The following MAGI2 variants were observed in gnomAD, a reference collection of about 807,000 sequenced individuals.
MAGI2 encodes the protein membrane-associated guanylate kinase, WW and PDZ domain-containing protein 2.
A neutral mutation model predicts 133.3 loss-of-function variants in MAGI2; 35 were observed. The observed-to-expected ratio is 0.26, with a 90% CI of 0.20 to 0.35. MAGI2 has a LOEUF of 0.35. Ranked by LOEUF, MAGI2 falls within the 10% of genes least tolerant of loss-of-function variation. The pLI, the probability that MAGI2 is intolerant of heterozygous loss-of-function variation, is 1.00. For missense variants in MAGI2, 1,636 were observed against 1,863.4 expected (o/e 0.88, Z 2.25); for synonymous variants, 729 against 710.6 (o/e 1.03, Z -0.41).
chr7:78,592,823 ATT>A (rs1491548716), intron 3 of MAGI2, among the ~76,000 whole-genome samples: 72 of 103,870 alleles, frequency 6.9e-4, no homozygotes, highest in African/African-American at 2.5e-3. Flanking sequence ...AAAATTACTG[ATT>A]CTCTTTTTTT....
intron 1 of MAGI2, among the ~76,000 whole-genome samples, chr7:79,248,409 C>T (rs1202451671): frequency 6.6e-6 from 1 of 152,138 alleles, no homozygotes; most frequent in Non-Finnish European, 1.5e-5. Context: ...GACCCCAATA[C>T]AATAACAGCC....
At chr7:79,006,990 A>C in intron 2 of MAGI2, 100 bp downstream of exon 2, 1 of 871,986 alleles carries the variant, frequency 1.1e-6, no homozygotes, top group Admixed American at 2.9e-5. Context: ...AAAGCCCACT[A>C]TAAAAAATAA....
intron 6 of MAGI2, among the ~76,000 whole-genome samples, chr7:78,403,376 C>T (rs1011774364): frequency 6.6e-6 from 1 of 152,310 alleles, no homozygotes; most frequent in Admixed American, 6.5e-5. Flanking sequence ...ATATGTGCCA[C>T]ATTTTCCTAA....
At chr7:78,221,310 C>A (rs957071369) in intron 10 of MAGI2, among the ~76,000 whole-genome samples, 13 of 152,334 alleles carry the variant, frequency 8.5e-5, no homozygotes, top group African/African-American at 2.9e-4. Context: ...TGTTGTCCAA[C>A]TTTTCCATTT....
intron 1 of MAGI2, among the ~76,000 whole-genome samples, chr7:79,367,952 C>CA (rs1842829266): frequency 6.8e-6 from 1 of 147,914 alleles, no homozygotes; most frequent in Non-Finnish European, 1.5e-5. Flanking sequence ...CCCAAAGCCA[C>CA]AAGGGTGTGG....
At chr7:78,827,409 G>A (rs1026887786) in intron 2 of MAGI2, among the ~76,000 whole-genome samples, 1 of 152,058 alleles carries the variant, frequency 6.6e-6, no homozygotes, top group African/African-American at 2.4e-5. Context: ...CTCCTGAATA[G>A]CTAGGACTAC....
chr7:78,542,264 A>G (rs932971819), intron 3 of MAGI2, among the ~76,000 whole-genome samples: 1 of 152,172 alleles, frequency 6.6e-6, no homozygotes, highest in Non-Finnish European at 1.5e-5. Context: ...TCCAACCCCC[A>G]GTCTATGTAA....
At chr7:78,617,503 T>G (rs1001301889) in intron 3 of MAGI2, 3 of 152,116 alleles carry the variant, frequency 2.0e-5, no homozygotes, top group Admixed American at 1.3e-4. Context: ...GTACTGATAC[T>G]AAATTTTAGT....
intron 6 of MAGI2, among the ~76,000 whole-genome samples, chr7:78,417,384 G>A (rs1798398853): frequency 6.6e-6 from 1 of 151,794 alleles, no homozygotes; most frequent in African/African-American, 2.4e-5. Context: ...CGGGGGGAAG[G>A]AATTCACATT....
intron 21 of MAGI2, among the ~76,000 whole-genome samples, chr7:78,071,813 C>T (rs757441785): frequency 2.0e-5 from 3 of 152,240 alleles, no homozygotes; most frequent in South Asian, 2.1e-4. Context: ...AAGGAAGATA[C>T]GCTCAACCGT....
intron 9 of MAGI2, among the ~76,000 whole-genome samples, chr7:78,294,084 AT>A (rs1211128308): frequency 6.1e-5 from 9 of 147,776 alleles, no homozygotes; most frequent in Admixed American, 1.4e-4. Context: ...TAATAAAAAA[AT>A]ATATATAATT....
At chr7:78,841,997 A>T (rs1314090251) in intron 2 of MAGI2, among the ~76,000 whole-genome samples, 1 of 151,962 alleles carries the variant, frequency 6.6e-6, no homozygotes, top group Non-Finnish European at 1.5e-5. Flanking sequence ...CAGTACATAG[A>T]TGAGCATACG....
Position 78,256,002 on chromosome 7 carries a change from A to G in MAGI2, c.1988T>C (p.Val663Ala), listed in dbSNP as rs377563967. The change falls in exon 10 of 22, where the codon GTG becomes GCG. Residue 663 changes from valine (V) to alanine (A), a missense_variant. Physicochemically the swap from Val to Ala is moderately conservative, Grantham distance 64. Around this residue, in one of 5 missense-constraint regions of MAGI2, gnomAD observed 920 missense variants for 1,093.5 expected, o/e 0.84. Coordinates refer to ENST00000354212, the MANE Select transcript of MAGI2 (RefSeq NM_012301.4). Reference protein sequence around the residue: ...NVQNLSHTEVVDILKDCPIGS... With the variant: ...NVQNLSHTEVADILKDCPIGS... Reference sequence around the variant, plus strand: ...AATGGGACAGTCCTTAAGTATATCCACTACTTCTGTATGGCTCAGGTTCTG... The same window carrying G: ...AATGGGACAGTCCTTAAGTATATCCGCTACTTCTGTATGGCTCAGGTTCTG... The G allele has an allele frequency of 1.2e-6, 2 of 1,613,628 alleles. No individual in the cohort carries two copies. Among genetic ancestry groups the G allele is most frequent in the Non-Finnish European group, 1.7e-6 (2 of 1,179,892 alleles).
chr7:79,200,444 T>C (rs1291345880), intron 1 of MAGI2, among the ~76,000 whole-genome samples: 2 of 127,762 alleles, frequency 1.6e-5, no homozygotes, highest in Non-Finnish European at 3.1e-5. Context: ...CTCTACAAAA[T>C]TAAAAAAAAA....
intron 1 of MAGI2, among the ~76,000 whole-genome samples, chr7:79,403,117 C>A (rs1024795234): frequency 6.6e-6 from 1 of 152,158 alleles, no homozygotes; most frequent in Non-Finnish European, 1.5e-5. Context: ...AAAATATTGT[C>A]ATTGTTCATG....
chr7:79,333,158 C>G (rs778753301), intron 1 of MAGI2, among the ~76,000 whole-genome samples: 7 of 151,652 alleles, frequency 4.6e-5, no homozygotes, highest in Non-Finnish European at 1.0e-4. Context: ...TTTTCTTTTT[C>G]TGTAGCCCAG....
At chr7:79,167,833 C>G (rs1055921536) in intron 1 of MAGI2, among the ~76,000 whole-genome samples, 2 of 152,116 alleles carry the variant, frequency 1.3e-5, no homozygotes, top group African/African-American at 4.8e-5. Context: ...TAAACAAAAT[C>G]TCTGCAGCAC....
intron 2 of MAGI2, chr7:79,006,854 A>C (rs2116521359): frequency 2.5e-6 from 1 of 396,840 alleles, no homozygotes; most frequent in African/African-American, 2.1e-5. Context: ...TCAGAAATGT[A>C]AGTTAGATTT....
At chr7:78,853,130 G>T (rs1793283577) in intron 2 of MAGI2, among the ~76,000 whole-genome samples, 1 of 151,850 alleles carries the variant, frequency 6.6e-6, no homozygotes, top group African/African-American at 2.4e-5. Flanking sequence ...AGCAGGAGCA[G>T]GATATTCGAT....
Sources: allele counts gnomAD v4.1 joint callset (sites outside exome capture counted in the v4.1 genomes callset), GRCh38; gene constraint gnomAD v4.1.1; regional missense constraint gnomAD v4.1.1; transcripts MANE v1.5; gene names NCBI Gene and HGNC (gene_info 2026-07-23, HGNC 2026-07-21).